CAMK4: variants seen among roughly 807,000 people sequenced by gnomAD.
CAMK4 encodes the protein calcium/calmodulin dependent protein kinase IV, also known as calcium/calmodulin-dependent protein kinase type IV.
In CAMK4, 22 loss-of-function variants were observed where a neutral mutation model predicts 44.9. That is an observed-to-expected ratio of 0.49 (90% CI 0.35 to 0.70). The LOEUF is 0.70. CAMK4 is among the 30% of genes least tolerant of loss of function. CAMK4 has a pLI of 0.01. For missense variants in CAMK4, 498 were observed against 586.8 expected, an observed-to-expected ratio of 0.85 and a Z score of 1.56; for synonymous variants, 218 against 215.4, an observed-to-expected ratio of 1.01 and a Z score of -0.11.
At chr5:111,287,082 T>C (rs1007918703) in intron 1 of CAMK4, among the ~76,000 whole-genome samples, 1 of 152,210 alleles carries the variant, frequency 6.6e-6, no homozygotes, top group African/African-American at 2.4e-5. Flanking sequence ...ACTAGTATCT[T>C]TTCATAAGAA....
chr5:111,273,720 C>CATAT (rs1244780865), intron 1 of CAMK4, among the ~76,000 whole-genome samples: 1 of 31,582 alleles, frequency 3.2e-5, no homozygotes, highest in South Asian at 1.3e-3. Flanking sequence ...TATATATATA[C>CATAT]ACACACATAC....
intron 5 of CAMK4, among the ~76,000 whole-genome samples, chr5:111,434,644 A>G (rs929863971): frequency 7.2e-5 from 11 of 152,272 alleles, no homozygotes; most frequent in African/African-American, 2.6e-4. Context: ...TATTCTGTTG[A>G]TGATTCTTAA....
At chr5:111,256,101 C>T (rs554448075) in intron 1 of CAMK4, among the ~76,000 whole-genome samples, 2 of 152,122 alleles carry the variant, frequency 1.3e-5, no homozygotes, top group South Asian at 4.2e-4. Context: ...GGCTGCTACT[C>T]AGTAATAAAA....
At chr5:111,312,547 C>T (rs972999193) in intron 1 of CAMK4, among the ~76,000 whole-genome samples, 3 of 152,116 alleles carry the variant, frequency 2.0e-5, no homozygotes, top group African/African-American at 7.2e-5. Context: ...AGGATTCCAG[C>T]AGACTCAGTC....
At chr5:111,347,176 G>T (rs1187615000) in intron 2 of CAMK4, among the ~76,000 whole-genome samples, 1 of 151,994 alleles carries the variant, frequency 6.6e-6, no homozygotes, top group Non-Finnish European at 1.5e-5. Context: ...CAGAAGAAAG[G>T]AATGTTAAGA....
At chr5:111,425,649 A>T (rs1753200235) in intron 5 of CAMK4, among the ~76,000 whole-genome samples, 1 of 152,256 alleles carries the variant, frequency 6.6e-6, no homozygotes, top group South Asian at 2.1e-4. Flanking sequence ...TATGACAAGT[A>T]TAACCAATAT....
chr5:111,271,041 G>A (rs1412006418), intron 1 of CAMK4, among the ~76,000 whole-genome samples: 1 of 152,066 alleles, frequency 6.6e-6, no homozygotes, highest in Non-Finnish European at 1.5e-5. Context: ...ATCAGATCAC[G>A]TGAGAACTCA....
intron 7 of CAMK4, among the ~76,000 whole-genome samples, chr5:111,465,606 GGA>G (rs1251502799): frequency 6.6e-6 from 1 of 152,108 alleles, no homozygotes; most frequent in African/African-American, 2.4e-5. Flanking sequence ...GAAACCTAGA[GGA>G]GATGCATAAA....
chr5:111,487,348 G>A lies in CAMK4; in HGVS notation c.*2882G>A, dbSNP rs924361364. 6.6e-6 allele frequency: 1 copy of A among 152,068 alleles called. No homozygotes were observed. Among genetic ancestry groups the A allele is most frequent in the Non-Finnish European group, 1.5e-5 (1 of 68,006 alleles). The allele number at this position is 152,068 out of a possible 1,614,324, so 9.4% of individuals were successfully genotyped here. A position where few individuals can be genotyped will look rare whatever the true frequency, so the allele number is the denominator to read the frequency against. On this transcript the variant is annotated 3_prime_UTR_variant, in exon 11 of 11. Coordinates refer to ENST00000282356, the MANE Select transcript of CAMK4 (RefSeq NM_001744.6). ...TTTTTTTTTATAACCATGAAGGACA[G>A]TCTTGAATTATTTCCCCCATTAACA...
rs757109421 is a variant in CAMK4, at chr5:111,478,370, T to G, written c.702-11T>G. ...TAAAGACATTTTATTCTCTATATTT[T>G]ATTCCTCTAGACTTTGTGGATTTGA... is the stretch of plus-strand genomic sequence containing the variant. On this transcript the variant is annotated splice_polypyrimidine_tract_variant and intron_variant, in intron 8 of 10. Coordinates refer to ENST00000282356, the MANE Select transcript of CAMK4 (RefSeq NM_001744.6). The G allele has an allele frequency of 6.7e-7, 1 of 1,500,722 alleles. No individual in the cohort carries two copies. Among genetic ancestry groups the G allele is most frequent in the Non-Finnish European group, 9.1e-7 (1 of 1,099,796 alleles). 93.0% of individuals were successfully genotyped at this position (1,500,722 alleles called of 1,614,324 possible).
chr5:111,272,857 G>A (rs1370260789), intron 1 of CAMK4, among the ~76,000 whole-genome samples: 2 of 152,046 alleles, frequency 1.3e-5, no homozygotes, highest in African/African-American at 4.8e-5. Context: ...GAATTTGCTA[G>A]GACTATCGAT....
At chr5:111,348,283 G>A (rs999644742) in intron 2 of CAMK4, among the ~76,000 whole-genome samples, 1 of 151,936 alleles carries the variant, frequency 6.6e-6, no homozygotes, top group East Asian at 1.9e-4. Context: ...TCAAATATCT[G>A]GGTTTTAGTA....
At chr5:111,410,283 T>C (rs1186025619) in intron 5 of CAMK4, among the ~76,000 whole-genome samples, 1 of 152,208 alleles carries the variant, frequency 6.6e-6, no homozygotes, top group Admixed American at 6.5e-5. Context: ...ATATCTCACA[T>C]GGCGACAGTC....
Position 111,470,973 on chromosome 5 carries a change from A to G in CAMK4, c.626-2338A>G, listed in dbSNP as rs376788981. 1.1e-3 allele frequency among the ~76,000 whole-genome samples: 169 copies of G among 152,354 alleles called. 3 individuals carry two copies. The South Asian group carries it at 0.035, about 31-fold the overall frequency. On this transcript the variant is annotated intron_variant, in intron 7 of 10. Coordinates refer to ENST00000282356, the MANE Select transcript of CAMK4 (RefSeq NM_001744.6). The stretch of plus-strand genomic sequence containing the variant: ...AGCATCCAAAAAAACCATTGCCATG[A>G]CACTTGCTCTTTACCAATCTGCTTT...
intron 1 of CAMK4, among the ~76,000 whole-genome samples, chr5:111,328,628 T>C (rs1305912084): frequency 6.6e-6 from 1 of 152,076 alleles, no homozygotes; most frequent in African/African-American, 2.4e-5. Context: ...CGATATTGAT[T>C]CTTCCTACCC....
At chr5:111,336,325 A>T (rs1374920447) in intron 1 of CAMK4, among the ~76,000 whole-genome samples, 1 of 151,246 alleles carries the variant, frequency 6.6e-6, no homozygotes, top group African/African-American at 2.4e-5. Flanking sequence ...GCAACACTGT[A>T]CAAGATGTTC....
At chr5:111,348,574 G>A (rs1749963638) in intron 2 of CAMK4, among the ~76,000 whole-genome samples, 2 of 151,908 alleles carry the variant, frequency 1.3e-5, no homozygotes, top group African/African-American at 4.8e-5. Flanking sequence ...GAATTGGAAT[G>A]CATTAAATTA....
At chr5:111,320,049 A>G (rs1345025619) in intron 1 of CAMK4, among the ~76,000 whole-genome samples, 6 of 152,158 alleles carry the variant, frequency 3.9e-5, no homozygotes, top group Non-Finnish European at 8.8e-5. Flanking sequence ...GCCATACGAG[A>G]CGGTGGTTAT....
chr5:111,405,585 C>T (rs979538657), intron 5 of CAMK4, among the ~76,000 whole-genome samples: 1 of 152,036 alleles, frequency 6.6e-6, no homozygotes, highest in Middle Eastern at 3.2e-3. Context: ...AATAAAGGTA[C>T]AAAGGCACAA....
Sources: gnomAD v4.1 joint callset for allele counts (sites outside exome capture counted in the v4.1 genomes callset) on GRCh38, gnomAD v4.1.1 for gene constraint, MANE v1.5 for transcripts, NCBI Gene and HGNC (gene_info 2026-07-23, HGNC 2026-07-21) for gene names.